TUBGCP3: variants seen among roughly 807,000 people sequenced by gnomAD.
TUBGCP3 encodes the protein tubulin gamma complex component 3, also known as gamma-tubulin complex component 3.
A neutral mutation model predicts 123.1 loss-of-function variants in TUBGCP3; 50 were observed. The ratio of observed to expected loss-of-function variants is 0.41; its 90% CI spans 0.32 to 0.51. The LOEUF is 0.51. Among genes scored for constraint, TUBGCP3 ranks in the 20% least tolerant of loss-of-function variants. TUBGCP3 has a pLI of 0.36. For synonymous variants in TUBGCP3, 405 were observed against 413.9 expected (o/e 0.98, Z 0.26); for missense variants, 882 against 1,127.0 (o/e 0.78, Z 3.11).
At position 112,508,567 on chromosome 13, in the gene TUBGCP3, C is replaced by T. The variant is rs886815292; in HGVS notation, c.2087-3853G>A. Among the ~76,000 whole-genome samples, 12 of 152,168 alleles carry T rather than the reference C, an allele frequency of 7.9e-5. No individual in the cohort carries two copies. Among genetic ancestry groups the T allele is most frequent in the Non-Finnish European group, 2.9e-5 (2 of 68,042 alleles). On this transcript the variant is annotated intron_variant, in intron 17 of 21. Coordinates refer to ENST00000261965, the MANE Select transcript of TUBGCP3 (RefSeq NM_006322.6). This position sits in a 1 kb window ranked among gnomAD's most constrained non-coding sequence, Gnocchi z 4.2. Reference sequence around the variant, plus strand: ...GCACTGATGTCCCTTCCACATTCCACTCCACAACTTCAAGTATCATCCAGG... The same window carrying T: ...GCACTGATGTCCCTTCCACATTCCATTCCACAACTTCAAGTATCATCCAGG...
intron 19 of TUBGCP3, among the ~76,000 whole-genome samples, chr13:112,501,976 C>G (rs1880936631): frequency 6.6e-6 from 1 of 152,168 alleles, no homozygotes; most frequent in South Asian, 2.1e-4. Context: ...CTACATTCTC[C>G]GTAAGCTGTG....
intron 1 of TUBGCP3, among the ~76,000 whole-genome samples, chr13:112,581,425 T>A (rs1332830000): frequency 3.3e-5 from 5 of 152,048 alleles, no homozygotes; most frequent in Non-Finnish European, 7.4e-5. Flanking sequence ...AAAAGTTTCC[T>A]TTAAAAGTTG....
intron 17 of TUBGCP3, among the ~76,000 whole-genome samples, chr13:112,514,251 C>T (rs9324306): frequency 0.11 from 13,158 of 125,310 alleles, 1,497 homozygotes; most frequent in African/African-American, 0.3. Flanking sequence ...AAGCAGTATA[C>T]GTAAGGTTTG....
intron 11 of TUBGCP3, among the ~76,000 whole-genome samples, chr13:112,540,380 G>A (rs1466457148): frequency 6.7e-6 from 1 of 148,570 alleles, no homozygotes; most frequent in Non-Finnish European, 1.5e-5. Flanking sequence ...AAGGATACCT[G>A]GGAGTGATGA....
intron 20 of TUBGCP3, 52 bp from the exon 21 acceptor site, chr13:112,489,749 T>C (rs1342365237): frequency 6.8e-7 from 1 of 1,480,418 alleles, no homozygotes; most frequent in South Asian, 1.1e-5. Flanking sequence ...GAAAACAGAT[T>C]ACAGAGTAGG....
In TUBGCP3 at chr13:112,524,194, C is replaced by A. The variant is rs906813328; in HGVS notation, c.1556-1685G>T. 1.3e-5 allele frequency among the ~76,000 whole-genome samples: 2 copies of A among 152,212 alleles called. No individual in the cohort carries two copies. Among genetic ancestry groups the A allele is most frequent in the African/African-American group, 4.8e-5 (2 of 41,448 alleles). ...ACACATCTTCCCATATACGGTAAAT[C>A]ATCTCTAAATTACTTATAATATCTA... On this transcript the variant is annotated intron_variant, in intron 13 of 21. Transcript: ENST00000261965. This position sits in a 1 kb window ranked among gnomAD's most constrained non-coding sequence, Gnocchi z 4.4.
At chr13:112,602,100 G>A in the TUBGCP3 span, among the ~76,000 whole-genome samples, 3 of 152,276 alleles carry the variant, frequency 2.0e-5, no homozygotes, top group East Asian at 1.9e-4. Flanking sequence ...GTTCATGGTC[G>A]GGGGAGACCA....
intron 3 of TUBGCP3, among the ~76,000 whole-genome samples, chr13:112,564,832 C>T (rs1377656055): frequency 6.6e-6 from 1 of 152,192 alleles, no homozygotes; most frequent in East Asian, 1.9e-4. Flanking sequence ...TGTGCTTCCT[C>T]CCAGCAGTGT....
At chr13:112,538,562 C>G (rs559592466) in intron 11 of TUBGCP3, among the ~76,000 whole-genome samples, 1 of 152,292 alleles carries the variant, frequency 6.6e-6, no homozygotes, top group African/African-American at 2.4e-5. Context: ...CTGTTCAAAT[C>G]TGCTGTAGTG....
rs1181563578 is a variant in TUBGCP3 at position 112,521,245 on chromosome 13, C to G, written c.1745+1075G>C. 3.3e-5 allele frequency among the ~76,000 whole-genome samples: 5 copies of G among 152,200 alleles called. No individual in the cohort carries two copies. The East Asian group carries it at 9.6e-4, about 29-fold the overall frequency. ...AACCAGCATTTACTGTACTAGTGAA[C>G]TTTCTTTTCTTACAAATGTGTTAGC... On this transcript the variant is annotated intron_variant, in intron 14 of 21. Coordinates refer to ENST00000261965, the MANE Select transcript of TUBGCP3 (RefSeq NM_006322.6).
rs773544624 is a variant in TUBGCP3 at position 112,499,114 on chromosome 13, G to A, written c.2379C>T (p.Tyr793=). The A allele has an allele frequency of 6.2e-7, 1 of 1,614,072 alleles. No individual in the cohort carries two copies. The highest frequency in any genetic ancestry group is 8.5e-7 in the Non-Finnish European group (1 of 1,180,020). The change falls in exon 20 of 22, where the codon TAC becomes TAT. Residue 793 remains tyrosine (Y), a synonymous_variant. Transcript: ENST00000261965. The part of the protein sequence containing the change: ...IELQNAQDAI[Y]RAALEELQRR... ...TCTGCAATTCTTCCAGAGCAGCTCT[G>A]TATATTGCATCTTGAGCATTCTGAA... is the stretch of plus-strand genomic sequence containing the variant.
intron 21 of TUBGCP3, 55 bp from the exon 22 acceptor site, chr13:112,486,206 C>T (rs530599066): frequency 1.3e-5 from 21 of 1,597,506 alleles, no homozygotes; most frequent in South Asian, 4.5e-5. Context: ...AACCCACAAA[C>T]GTATTCCCCG....
intron 20 of TUBGCP3, among the ~76,000 whole-genome samples, chr13:112,495,957 A>G (rs984039045): frequency 9.2e-5 from 14 of 152,168 alleles, no homozygotes; most frequent in Admixed American, 2.0e-4. Flanking sequence ...AAATTATTAG[A>G]ATAAAAGAAG....
At chr13:112,505,912 G>A (rs1035702870) in intron 17 of TUBGCP3, among the ~76,000 whole-genome samples, 3 of 152,144 alleles carry the variant, frequency 2.0e-5, no homozygotes, top group African/African-American at 4.8e-5. Context: ...TCACCTGCCC[G>A]GTGCCTGGGT....
Position 112,497,129 on chromosome 13 carries a change from G to A in TUBGCP3, c.2448+1916C>T, listed in dbSNP as rs547234272. 1.1e-3 allele frequency among the ~76,000 whole-genome samples: 163 copies of A among 152,184 alleles called. 1 individual carries two copies. The highest frequency in any genetic ancestry group is 3.7e-3 in the African/African-American group (154 of 41,516). On this transcript the variant is annotated intron_variant, in intron 20 of 21. Transcript: ENST00000261965. ...GCACTTGAATGCCTACTAAATAAGCGTCATATATCATCACACATAGATAAG... is the reference window on the plus strand; with the variant it reads ...GCACTTGAATGCCTACTAAATAAGCATCATATATCATCACACATAGATAAG...
In TUBGCP3 at chr13:112,488,537, C is replaced by A. The variant is rs117502362; in HGVS notation, c.2565+1044G>T. On this transcript the variant is annotated intron_variant, in intron 21 of 21. Coordinates refer to ENST00000261965, the MANE Select transcript of TUBGCP3 (RefSeq NM_006322.6). ...TCCCCATCGGGAGTCACTGAAAAACCCAAATGAAGGCTACAGAGACGCCTG... is the reference window on the plus strand; with the variant it reads ...TCCCCATCGGGAGTCACTGAAAAACACAAATGAAGGCTACAGAGACGCCTG... Among the ~76,000 whole-genome samples, 354 of 152,316 alleles carry A rather than the reference C, an allele frequency of 2.3e-3. 3 individuals carry two copies. Among genetic ancestry groups the A allele is most frequent in the African/African-American group, 6.1e-3 (252 of 41,560 alleles).
At chr13:112,520,208 G>A (rs562670597) in intron 14 of TUBGCP3, among the ~76,000 whole-genome samples, 187 bp from the exon 15 acceptor site, 3 of 152,230 alleles carry the variant, frequency 2.0e-5, no homozygotes, top group Non-Finnish European at 2.9e-5. Flanking sequence ...TAATTATTGT[G>A]GAGTTACATT....
intron 20 of TUBGCP3, 120 bp from the exon 21 acceptor site, chr13:112,489,817 G>T: frequency 1.4e-6 from 1 of 703,662 alleles, no homozygotes; most frequent in Non-Finnish European, 2.4e-6. Context: ...TCTCTGTACT[G>T]TTCAACACTT....
chr13:112,559,422 TA>T, intron 3 of TUBGCP3, 23 bp from the exon 4 acceptor site: 3 of 1,575,594 alleles, frequency 1.9e-6, no homozygotes, highest in Admixed American at 1.7e-5. Flanking sequence ...AAGTTAATAT[TA>T]AAAGAACGAT....
Sources: gnomAD v4.1 joint callset for allele counts (sites outside exome capture counted in the v4.1 genomes callset) on GRCh38, gnomAD v4.1.1 for gene constraint, Gnocchi (gnomAD v3.1) non-coding constraint, MANE v1.5 for transcripts, NCBI Gene and HGNC (gene_info 2026-07-23, HGNC 2026-07-21) for gene names.